NTM: variants seen among roughly 807,000 people sequenced by gnomAD.
NTM encodes IgLON family member 2.
In NTM, 13 loss-of-function variants were observed where a neutral mutation model predicts 42.1. The ratio of observed to expected loss-of-function variants is 0.31; its 90% CI spans 0.20 to 0.49. NTM has a LOEUF of 0.49. Ranked by LOEUF, NTM falls within the 20% of genes least tolerant of loss-of-function variation. The pLI is 0.99. For missense variants in NTM, 373 were observed against 452.8 expected (o/e 0.82, Z 1.60); for synonymous variants, 187 against 179.2 (o/e 1.04, Z -0.35).
At chr11:131,779,246 C>A (rs1389612909) in intron 1 of NTM, among the ~76,000 whole-genome samples, 3 of 152,234 alleles carry the variant, frequency 2.0e-5, no homozygotes, top group Non-Finnish European at 2.9e-5. Flanking sequence ...CTGGCTGACA[C>A]CTTGATTTCA....
At chr11:131,471,630 G>T (rs1293914270) in intron 1 of NTM, among the ~76,000 whole-genome samples, 1 of 152,146 alleles carries the variant, frequency 6.6e-6, no homozygotes. Flanking sequence ...GGAGGTTGAG[G>T]TAACAAGGTT....
At chr11:131,571,604 C>T (rs2137090360) in intron 1 of NTM, among the ~76,000 whole-genome samples, 1 of 152,312 alleles carries the variant, frequency 6.6e-6, no homozygotes, top group African/African-American at 2.4e-5. Flanking sequence ...TGCCTCTTGG[C>T]ACCACAGTCA....
rs535651611 is a variant in NTM at position 132,099,165 on chromosome 11, A to G, written c.168-47117A>G. The stretch of plus-strand genomic sequence containing the variant: ...TGTAACATCAAATTGTAAATGAGAG[A>G]TAAAGGGGGAAAAACTCTGCTGACC... On this transcript the variant is annotated intron_variant, in intron 2 of 8. Coordinates refer to ENST00000683400, the MANE Select transcript of NTM (RefSeq NM_001352005.2). 3.9e-5 allele frequency among the ~76,000 whole-genome samples: 6 copies of G among 152,266 alleles called. No homozygotes were observed. In the East Asian group the frequency reaches 9.7e-4, roughly 25 times the overall value.
At chr11:132,145,494 G>A (rs1346007623) in intron 2 of NTM, among the ~76,000 whole-genome samples, 5 of 152,216 alleles carry the variant, frequency 3.3e-5, no homozygotes, top group East Asian at 1.9e-4. Context: ...AGGACTTGGC[G>A]AGAGTTGCTG....
At chr11:131,635,676 T>C (rs1014917636) in intron 1 of NTM, among the ~76,000 whole-genome samples, 21 of 152,186 alleles carry the variant, frequency 1.4e-4, no homozygotes, top group Middle Eastern at 3.2e-3. Context: ...TAATTTTTAT[T>C]AATTTAGTGT....
chr11:131,907,696 A>T (rs549801705), intron 1 of NTM, among the ~76,000 whole-genome samples: 2 of 152,270 alleles, frequency 1.3e-5, no homozygotes, highest in South Asian at 4.1e-4. Context: ...ATCGGCTTTC[A>T]AGGAGGCAGA....
At chr11:131,910,724 A>C in intron 1 of NTM, 15 of 543,850 alleles carry the variant, frequency 2.8e-5, no homozygotes, top group Non-Finnish European at 3.5e-5. Context: ...CGAGCTACCG[A>C]GCTTGGGGCC....
intron 1 of NTM, among the ~76,000 whole-genome samples, chr11:131,805,321 A>G (rs1307105964): frequency 2.0e-5 from 3 of 152,116 alleles, no homozygotes; most frequent in African/African-American, 2.4e-5. Context: ...CCTCTCTATT[A>G]TGGATTCACC....
At position 132,016,935 on chromosome 11, in the gene NTM, G is replaced by A. The variant is rs187759840; in HGVS notation, c.167+105287G>A. Reference sequence around the variant, plus strand: ...TTTTCACATGCTTATTACTACTCATGTATCTTCTTGTGTGAGGTGTCTATT... The same window carrying A: ...TTTTCACATGCTTATTACTACTCATATATCTTCTTGTGTGAGGTGTCTATT... On this transcript the variant is annotated intron_variant, in intron 2 of 8. Transcript: ENST00000683400. Among the ~76,000 whole-genome samples the A allele has an allele frequency of 7.6e-4, 116 of 151,980 alleles. 1 individual carries two copies. Among genetic ancestry groups the A allele is most frequent in the Admixed American group, 5.4e-3 (83 of 15,248 alleles).
chr11:131,883,445 C>CA (rs1422320737), intron 1 of NTM, among the ~76,000 whole-genome samples: 3 of 152,148 alleles, frequency 2.0e-5, no homozygotes, highest in Non-Finnish European at 4.4e-5. Context: ...GAGAGATTCT[C>CA]AGACACCTTT....
chr11:132,133,538 C>T (rs183947004), intron 2 of NTM, among the ~76,000 whole-genome samples: 2 of 152,298 alleles, frequency 1.3e-5, no homozygotes, highest in East Asian at 3.9e-4. Flanking sequence ...GTTAGAAGCA[C>T]AGGTCGGGGG....
chr11:131,606,872 C>T (rs940815957), intron 1 of NTM, among the ~76,000 whole-genome samples: 2 of 152,180 alleles, frequency 1.3e-5, no homozygotes, highest in African/African-American at 4.8e-5. Context: ...TTTAAGAGAC[C>T]ACATGTGGCT....
At chr11:131,780,498 G>A (rs1018801419) in intron 1 of NTM, among the ~76,000 whole-genome samples, 1 of 152,078 alleles carries the variant, frequency 6.6e-6, no homozygotes, top group Non-Finnish European at 1.5e-5. Flanking sequence ...TGGGTGTATG[G>A]GTCTGAGATC....
intron 4 of NTM, among the ~76,000 whole-genome samples, chr11:132,217,152 T>C (rs999514033): frequency 6.6e-6 from 1 of 152,092 alleles, no homozygotes; most frequent in African/African-American, 2.4e-5. Flanking sequence ...TACTCCTGTG[T>C]CTAAACCCCG....
chr11:131,510,966 T>A (rs190143240), intron 1 of NTM, among the ~76,000 whole-genome samples: 2 of 152,368 alleles, frequency 1.3e-5, no homozygotes, highest in East Asian at 3.9e-4. Flanking sequence ...AGGGCCATAC[T>A]GTGTCCTAAC....
At chr11:131,854,189 T>C (rs1190002222) in intron 1 of NTM, among the ~76,000 whole-genome samples, 1 of 152,140 alleles carries the variant, frequency 6.6e-6, no homozygotes, top group Non-Finnish European at 1.5e-5. Context: ...GCCAAGAGGG[T>C]TTAATCCTAG....
Position 131,509,054 on chromosome 11 carries a change from T to TAAA in NTM, c.82+138170_82+138172dup, listed in dbSNP as rs1051843331. On this transcript the variant is annotated intron_variant, in intron 1 of 8. Coordinates refer to ENST00000683400, the MANE Select transcript of NTM (RefSeq NM_001352005.2). ...GTATAATAATAAAAAATAATAATAA[T>TAAA]AAAAAAGAAATTTGCTCAGTTAATA... Among the ~76,000 whole-genome samples, 83 of 152,090 alleles carry TAAA rather than the reference T, an allele frequency of 5.5e-4. 1 individual carries two copies. The highest frequency in any genetic ancestry group is 1.9e-3 in the African/African-American group (77 of 41,472).
At chr11:131,478,626 T>C (rs1024991037) in intron 1 of NTM, among the ~76,000 whole-genome samples, 2 of 152,168 alleles carry the variant, frequency 1.3e-5, no homozygotes, top group African/African-American at 4.8e-5. Context: ...TCTGTGGTTA[T>C]CCAAGCACAT....
chr11:131,930,053 T>C (rs547462508), intron 2 of NTM, among the ~76,000 whole-genome samples: 1 of 152,282 alleles, frequency 6.6e-6, no homozygotes, highest in African/African-American at 2.4e-5. Flanking sequence ...GTGTTGGGGG[T>C]TGTTTAACCA....
Sources: gnomAD v4.1 joint callset for allele counts (sites outside exome capture counted in the v4.1 genomes callset) on GRCh38, gnomAD v4.1.1 for gene constraint, MANE v1.5 for transcripts, NCBI Gene and HGNC (gene_info 2026-07-23, HGNC 2026-07-21) for gene names.